NCOA6: variants seen among roughly 807,000 people sequenced by gnomAD.
NCOA6 encodes nuclear receptor coactivator 6.
Under a neutral mutation model 171.4 loss-of-function variants are expected in NCOA6, and 49 were observed. That is an observed-to-expected ratio of 0.29 (90% CI 0.23 to 0.36). The LOEUF is 0.36. NCOA6 is among the 10% of genes least tolerant of loss of function. NCOA6 has a pLI of 1.00. For synonymous variants in NCOA6, 910 were observed against 927.5 expected (o/e 0.98, Z 0.34); for missense variants, 2,248 against 2,554.5 (o/e 0.88, Z 2.59).
At position 34,768,452 on chromosome 20, in the gene NCOA6, G is replaced by A; in HGVS notation, c.514+12C>T. 1 of 1,613,292 alleles carries A rather than the reference G, an allele frequency of 6.2e-7. No individual in the cohort carries two copies. Among genetic ancestry groups the A allele is most frequent in the Admixed American group, 1.7e-5 (1 of 59,780 alleles). On this transcript the variant is annotated intron_variant, in intron 5 of 14. Coordinates refer to ENST00000359003, the MANE Select transcript of NCOA6 (RefSeq NM_014071.5). Reference sequence around the variant, plus strand: ...CTAGTAAAATGTCATACAATTGAGTGGGAGGTCTTACCTGGACCACTTGCC... The same window carrying A: ...CTAGTAAAATGTCATACAATTGAGTAGGAGGTCTTACCTGGACCACTTGCC...
chr20:34,810,656 C>G (rs1342234800), intron 1 of NCOA6, among the ~76,000 whole-genome samples: 1 of 151,830 alleles, frequency 6.6e-6, no homozygotes, highest in Non-Finnish European at 1.5e-5. Context: ...CCCGGGTTCA[C>G]GCCATTCTCC....
intron 3 of NCOA6, among the ~76,000 whole-genome samples, chr20:34,780,099 T>C (rs1426955412): frequency 1.3e-5 from 2 of 152,232 alleles, no homozygotes; most frequent in African/African-American, 4.8e-5. Flanking sequence ...TTGGGGATCC[T>C]GGTTCCACCA....
chr20:34,752,671 G>A (rs942808686), intron 8 of NCOA6, among the ~76,000 whole-genome samples: 1 of 152,166 alleles, frequency 6.6e-6, no homozygotes, highest in Non-Finnish European at 1.5e-5. Context: ...GCTCAGGCCT[G>A]TAATCCCACC....
rs1381223496 is a variant in NCOA6 at position 34,817,125 on chromosome 20, ACACACAC to A, written c.-164+8340_-164+8346del. ...GCAACAGAGTGAGACTCCATCACAC[ACACACAC>A]AAAAAAGCAAAAGCAAAAGCAAAAG... On this transcript the variant is annotated intron_variant, in intron 1 of 14. Coordinates refer to ENST00000359003, the MANE Select transcript of NCOA6 (RefSeq NM_014071.5). Among the ~76,000 whole-genome samples the A allele has an allele frequency of 1.9e-3, 205 of 107,680 alleles. 39 individuals are homozygous for A. Among genetic ancestry groups the A allele is most frequent in the African/African-American group, 4.2e-3 (134 of 31,670 alleles). 70.6% of individuals were successfully genotyped at this position (107,680 alleles called of 152,430 possible).
rs1415192754 is a variant in NCOA6, at chr20:34,742,391, T to C, written c.3865A>G (p.Asn1289Asp). Residue 1289 changes from asparagine to aspartate, a missense_variant, in exon 11 of 15, where the codon AAT becomes GAT. By Grantham distance (23) the Asn-to-Asp change is conservative (BLOSUM62 1). This residue lies in a region of NCOA6 where 884 missense variants were observed against 941.9 expected (regional missense o/e 0.94). Transcript: ENST00000359003. Reference sequence around the variant, plus strand: ...AAATTGGAAGGATTCATGGTAAGATTTGAAGGTGCTTGCCCGATGGCCTTC... The same window carrying C: ...AAATTGGAAGGATTCATGGTAAGATCTGAAGGTGCTTGCCCGATGGCCTTC... Reference protein sequence around the residue: ...TLKAIGQAPSNLTMNPSNFAT... With the variant: ...TLKAIGQAPSDLTMNPSNFAT... The C allele has an allele frequency of 6.2e-7, 1 of 1,614,222 alleles. No individual in the cohort carries two copies. Among genetic ancestry groups the C allele is most frequent in the South Asian group, 1.1e-5 (1 of 91,086 alleles).
At chr20:34,786,918 A>C (rs973154602) in intron 2 of NCOA6, among the ~76,000 whole-genome samples, 1 of 152,226 alleles carries the variant, frequency 6.6e-6, no homozygotes, top group Non-Finnish European at 1.5e-5. Context: ...GGCATGGGCA[A>C]AGATTTCATG....
intron 14 of NCOA6, among the ~76,000 whole-genome samples, chr20:34,725,394 G>A (rs1233814837): frequency 6.6e-6 from 1 of 152,214 alleles, no homozygotes; most frequent in Non-Finnish European, 1.5e-5. Context: ...TAGGAAGGGT[G>A]GGACGTTAAG....
intron 8 of NCOA6, among the ~76,000 whole-genome samples, chr20:34,753,466 GC>G (rs1260599274): frequency 1.3e-5 from 2 of 151,830 alleles, no homozygotes; most frequent in Non-Finnish European, 2.9e-5. Context: ...TCAAAGACCA[GC>G]CTGGCCAACA....
At chr20:34,803,471 A>C (rs2078325151) in intron 1 of NCOA6, among the ~76,000 whole-genome samples, 1 of 151,866 alleles carries the variant, frequency 6.6e-6, no homozygotes, top group Admixed American at 6.6e-5. Flanking sequence ...GGTCTAAAAA[A>C]AAAAAGAAAA....
At chr20:34,756,442 A>G (rs1333719988) in intron 7 of NCOA6, among the ~76,000 whole-genome samples, 2 of 152,180 alleles carry the variant, frequency 1.3e-5, no homozygotes, top group African/African-American at 4.8e-5. Flanking sequence ...GAGTATGTTT[A>G]TCAGATGACA....
chr20:34,740,671 G>T lies in NCOA6; in HGVS notation c.5585C>A (p.Pro1862Gln). 1 of 1,614,156 alleles carries T rather than the reference G, an allele frequency of 6.2e-7. No homozygotes were observed. Among genetic ancestry groups the T allele is most frequent in the Non-Finnish European group, 8.5e-7 (1 of 1,180,016 alleles). ...TAACTGCTCTGTTCCCATGAGCCCCGGAGCTGTGGTGTCTAGCCCTTGGCC... is the reference window on the plus strand; with the variant it reads ...TAACTGCTCTGTTCCCATGAGCCCCTGAGCTGTGGTGTCTAGCCCTTGGCC... ...TEGQGLDTTA[P>Q]GLMGTEQLST... The change falls in exon 11 of 15, where the codon CCG becomes CAG. Residue 1862 changes from proline to glutamine, a missense_variant. This residue lies in a region of NCOA6 where 884 missense variants were observed against 941.9 expected (regional missense o/e 0.94). Transcript: ENST00000359003.
In NCOA6 at chr20:34,758,914, G is replaced by C; in HGVS notation, c.534C>G (p.Asn178Lys). 6.2e-7 allele frequency: 1 copy of C among 1,613,714 alleles called. No individual in the cohort carries two copies. Among genetic ancestry groups the C allele is most frequent in the South Asian group, 1.1e-5 (1 of 91,044 alleles). ...CCGGGGGTATCATAACAGTGGCAGG[G>C]TTGTTCATCCTTATTATTCCTAGAA... Reference protein sequence around the residue: ...ASGPGIIRMNNPATVMIPPGG... With the variant: ...ASGPGIIRMNKPATVMIPPGG... The change falls in exon 6 of 15, where the codon AAC (asparagine) becomes AAG (lysine). Residue 178 changes from asparagine to lysine, a missense_variant. Physicochemically the swap from Asn to Lys is moderately conservative, Grantham distance 94 (BLOSUM62 0). Around this residue, in one of 7 missense-constraint regions of NCOA6, gnomAD observed 987 missense variants for 1,104.7 expected, o/e 0.89. Transcript: ENST00000359003.
intron 3 of NCOA6, among the ~76,000 whole-genome samples, chr20:34,780,810 T>C (rs1411984619): frequency 6.6e-6 from 1 of 152,008 alleles, no homozygotes; most frequent in Non-Finnish European, 1.5e-5. Flanking sequence ...CATGCCAACA[T>C]ACCCAACTAA....
intron 4 of NCOA6, 85 bp from the exon 5 acceptor site, chr20:34,768,671 T>G: frequency 6.8e-7 from 1 of 1,463,256 alleles, no homozygotes; most frequent in Non-Finnish European, 9.3e-7. Context: ...GTGCTTTAGT[T>G]TTCTGTGCTT....
At chr20:34,802,721 G>C (rs1828549333) in intron 1 of NCOA6, among the ~76,000 whole-genome samples, 1 of 152,144 alleles carries the variant, frequency 6.6e-6, no homozygotes, top group African/African-American at 2.4e-5. Flanking sequence ...CAAAATATAG[G>C]TTTAATTATA....
chr20:34,752,176 G>A (rs1289783555), intron 8 of NCOA6, among the ~76,000 whole-genome samples: 1 of 152,062 alleles, frequency 6.6e-6, no homozygotes, highest in Admixed American at 6.6e-5. Flanking sequence ...ACTTTTAAAT[G>A]GGGACTAGAA....
chr20:34,815,059 C>A (rs1390157997), intron 1 of NCOA6, among the ~76,000 whole-genome samples: 1 of 152,160 alleles, frequency 6.6e-6, no homozygotes, highest in African/African-American at 2.4e-5. Context: ...ACAGTACTAT[C>A]CTGGGCAAGG....
chr20:34,745,142 T>TA (rs2145627447), intron 10 of NCOA6, among the ~76,000 whole-genome samples: 1 of 152,342 alleles, frequency 6.6e-6, no homozygotes, highest in South Asian at 2.1e-4. Flanking sequence ...CCTATGCCTT[T>TA]AGGGGCCAGG....
intron 5 of NCOA6, among the ~76,000 whole-genome samples, chr20:34,764,684 C>CAAAA (rs35459347): frequency 1.7e-5 from 2 of 117,760 alleles, no homozygotes; most frequent in Non-Finnish European, 1.8e-5. Context: ...GACTCTGTCT[C>CAAAA]AAAAAAAAAA....
Sources: allele counts gnomAD v4.1 joint callset (sites outside exome capture counted in the v4.1 genomes callset), GRCh38; gene constraint gnomAD v4.1.1; regional missense constraint gnomAD v4.1.1; transcripts MANE v1.5; gene names NCBI Gene and HGNC (gene_info 2026-07-23, HGNC 2026-07-21).